Variants in CD58 observed in about 807,000 individuals in gnomAD.
CD58 encodes CD58 molecule.
CD58 carries 14 observed loss-of-function variants against 27.6 expected under a neutral mutation model. The observed-to-expected ratio is 0.51, with a 90% CI of 0.34 to 0.79. The LOEUF (loss-of-function observed/expected upper bound fraction) is 0.79. Among genes scored for constraint, CD58 ranks in the 30% least tolerant of loss-of-function variants. CD58 has a pLI of 0.02. For synonymous variants in CD58, 117 were observed against 103.8 expected, an observed-to-expected ratio of 1.13 and a Z score of -0.77; for missense variants, 268 against 301.7, an observed-to-expected ratio of 0.89 and a Z score of 0.83.
At chr1:116,551,115 G>A (rs550459107) in intron 1 of CD58, among the ~76,000 whole-genome samples, 183 of 152,276 alleles carry the variant, frequency 1.2e-3, no homozygotes, top group African/African-American at 4.3e-3. Flanking sequence ...AAAATTTTCA[G>A]AGTGGTAAAT....
At chr1:116,535,658 G>C (rs1277786492) in intron 3 of CD58, among the ~76,000 whole-genome samples, 1 of 105,536 alleles carries the variant, frequency 9.5e-6, no homozygotes, top group Non-Finnish European at 1.8e-5. Context: ...TGGCTAACAC[G>C]GTGAAACCCC....
intron 2 of CD58, among the ~76,000 whole-genome samples, chr1:116,540,366 T>A (rs1011113927): frequency 6.7e-6 from 1 of 149,384 alleles, no homozygotes; most frequent in Non-Finnish European, 1.5e-5. Flanking sequence ...AAAAAAAAAA[T>A]AGTATGACCA....
intron 2 of CD58, among the ~76,000 whole-genome samples, chr1:116,543,377 A>C (rs923564662): frequency 6.6e-6 from 1 of 152,116 alleles, no homozygotes; most frequent in Non-Finnish European, 1.5e-5. Flanking sequence ...GGTAACGTAG[A>C]GGAAAAGATC....
intron 1 of CD58, among the ~76,000 whole-genome samples, chr1:116,556,962 G>T (rs1358169592): frequency 6.6e-6 from 1 of 152,224 alleles, no homozygotes; most frequent in Non-Finnish European, 1.5e-5. Flanking sequence ...CACATTTTGT[G>T]TGAAAATTCC....
chr1:116,550,114 G>T lies in CD58; in HGVS notation c.71-5510C>A, dbSNP rs916240519. 6.6e-6 allele frequency among the ~76,000 whole-genome samples: 1 copy of T among 152,158 alleles called. No homozygotes were observed. The highest frequency in any genetic ancestry group is 2.4e-5 in the African/African-American group (1 of 41,440). The stretch of plus-strand genomic sequence containing the variant: ...TGAAAGGTCTTGCCTCAATGTTGAT[G>T]GCTGCTGACTGATCAGGGTGTTGGT... On this transcript the variant is annotated intron_variant, in intron 1 of 5. Transcript: ENST00000369489. This position sits in a 1 kb window ranked among gnomAD's most constrained non-coding sequence, Gnocchi z 4.2.
chr1:116,547,603 A>G (rs947763922), intron 1 of CD58, among the ~76,000 whole-genome samples: 1 of 152,104 alleles, frequency 6.6e-6, no homozygotes, highest in Non-Finnish European at 1.5e-5. Flanking sequence ...TGCTGGGATT[A>G]CAGACACGAG....
intron 1 of CD58, among the ~76,000 whole-genome samples, chr1:116,564,630 G>T (rs1419514580): frequency 6.6e-6 from 1 of 152,116 alleles, no homozygotes; most frequent in Non-Finnish European, 1.5e-5. Context: ...CTTGTGCAGG[G>T]GAATCCCCAT....
chr1:116,570,806 G>T lies in CD58; in HGVS notation c.70+97C>A. 1 of 945,270 alleles carries T rather than the reference G, an allele frequency of 1.1e-6. No individual in the cohort carries two copies. Among genetic ancestry groups the T allele is most frequent in the Non-Finnish European group, 1.6e-6 (1 of 641,630 alleles). 58.6% of individuals were successfully genotyped at this position (945,270 alleles called of 1,614,324 possible). On this transcript the variant is annotated intron_variant, in intron 1 of 5. Transcript: ENST00000369489. The surrounding 1 kb of genome is among the most constrained non-coding windows in gnomAD (Gnocchi z 6.4). ...CAGCGACCCGTCCCCACCCGTCTCTGATCGGCAACCGCCTCGAGCCCGGCG... is the reference window on the plus strand; with the variant it reads ...CAGCGACCCGTCCCCACCCGTCTCTTATCGGCAACCGCCTCGAGCCCGGCG...
intron 3 of CD58, among the ~76,000 whole-genome samples, chr1:116,529,819 T>C (rs1315763505): frequency 6.6e-6 from 1 of 152,220 alleles, no homozygotes; most frequent in Non-Finnish European, 1.5e-5. Flanking sequence ...CTCCTTTAGA[T>C]TGTGTTTAAC....
intron 1 of CD58, among the ~76,000 whole-genome samples, chr1:116,565,852 C>T (rs1419887415): frequency 1.3e-5 from 2 of 151,968 alleles, no homozygotes; most frequent in African/African-American, 4.8e-5. Flanking sequence ...TCCTAGGTAG[C>T]TGGAATTACA....
chr1:116,549,032 CT>C (rs1049287056), intron 1 of CD58, among the ~76,000 whole-genome samples: 1 of 152,184 alleles, frequency 6.6e-6, no homozygotes, highest in African/African-American at 2.4e-5. Context: ...TGTCTGACTC[CT>C]TGGTCAGTGC....
At chr1:116,539,493 C>A (rs1451261203) in intron 2 of CD58, among the ~76,000 whole-genome samples, 4 of 151,676 alleles carry the variant, frequency 2.6e-5, no homozygotes, top group African/African-American at 7.3e-5. Context: ...CTGAGTGCCA[C>A]ATGCAGGGTT....
At chr1:116,539,074 T>C (rs1250708258) in intron 2 of CD58, among the ~76,000 whole-genome samples, 1 of 152,200 alleles carries the variant, frequency 6.6e-6, no homozygotes, top group African/African-American at 2.4e-5. Context: ...AAATAGTACT[T>C]ACTCTATCAG....
Position 116,522,115 on chromosome 1 carries a change from GCAGT to G in CD58, c.629-136_629-133del. On this transcript the variant is annotated intron_variant, in intron 3 of 5. Coordinates refer to ENST00000369489, the MANE Select transcript of CD58 (RefSeq NM_001779.3). The surrounding 1 kb of genome is among the most constrained non-coding windows in gnomAD (Gnocchi z 4.6). ...TGTAATCCACAAATCAATACCCAAA[GCAGT>G]CATTCTCAGACATAAGAACAGTGAT... 1 of 576,332 alleles carries G rather than the reference GCAGT, an allele frequency of 1.7e-6. No individual in the cohort carries two copies. The highest frequency in any genetic ancestry group is 1.9e-5 in the African/African-American group (1 of 53,130). 35.7% of individuals were successfully genotyped at this position (576,332 alleles called of 1,614,324 possible).
At chr1:116,564,384 CA>C (rs1175990386) in intron 1 of CD58, among the ~76,000 whole-genome samples, 2 of 152,222 alleles carry the variant, frequency 1.3e-5, no homozygotes, top group African/African-American at 4.8e-5. Context: ...TACCCAGTTC[CA>C]AAGTTGCTTC....
intron 1 of CD58, among the ~76,000 whole-genome samples, chr1:116,545,564 C>T (rs1658140545): frequency 6.6e-6 from 1 of 152,120 alleles, no homozygotes; most frequent in Non-Finnish European, 1.5e-5. Flanking sequence ...CCTTGGCTGA[C>T]TGAGAGGCAT....
rs1657628020 is a variant in CD58 at position 116,531,982 on chromosome 1, T to C, written c.628+3983A>G. Among the ~76,000 whole-genome samples, 1 of 152,192 alleles carries C rather than the reference T, an allele frequency of 6.6e-6. No homozygotes were observed. Among genetic ancestry groups the C allele is most frequent in the Non-Finnish European group, 1.5e-5 (1 of 68,036 alleles). On this transcript the variant is annotated intron_variant, in intron 3 of 5. Transcript: ENST00000369489. This position sits in a 1 kb window ranked among gnomAD's most constrained non-coding sequence, Gnocchi z 4.5. ...AACCAGGACCTTCAGACAGGATGAA[T>C]GGTGGGGCCCAGCAATGGGACTACT...
Position 116,534,537 on chromosome 1 carries a change from C to A in CD58, c.628+1428G>T, listed in dbSNP as rs1657726640. Among the ~76,000 whole-genome samples the A allele has an allele frequency of 1.3e-5, 2 of 152,206 alleles. No individual in the cohort carries two copies. The highest frequency in any genetic ancestry group is 4.1e-4 in the South Asian group (2 of 4,836). ...CTCCGCTGGGCCGCCGGCGAGGAAG[C>A]CGCCCGCAGCGCAGAACAAAGCGAC... On this transcript the variant is annotated intron_variant, in intron 3 of 5. Transcript: ENST00000369489. This position sits in a 1 kb window ranked among gnomAD's most constrained non-coding sequence, Gnocchi z 5.3.
In CD58 at chr1:116,531,319, C is replaced by G. The variant is rs753776414; in HGVS notation, c.628+4646G>C. 1.3e-5 allele frequency among the ~76,000 whole-genome samples: 2 copies of G among 152,170 alleles called. No homozygotes were observed. Among genetic ancestry groups the G allele is most frequent in the Non-Finnish European group, 2.9e-5 (2 of 68,036 alleles). ...AGGGATCTTACTCAGAAATTATTTC[C>G]TTCAAGTATTTTGTCTCTTGGAACA... On this transcript the variant is annotated intron_variant, in intron 3 of 5. Transcript: ENST00000369489. This position sits in a 1 kb window ranked among gnomAD's most constrained non-coding sequence, Gnocchi z 4.5.
Sources: gnomAD v4.1 joint callset for allele counts (sites outside exome capture counted in the v4.1 genomes callset) on GRCh38, gnomAD v4.1.1 for gene constraint, Gnocchi (gnomAD v3.1) non-coding constraint, MANE v1.5 for transcripts, NCBI Gene and HGNC (gene_info 2026-07-23, HGNC 2026-07-21) for gene names.